The following ZNF875 variants were observed in gnomAD, a reference collection of about 807,000 sequenced individuals.
ZNF875 encodes HKR1, GLI-Kruppel zinc finger family member.
A neutral mutation model predicts 11.2 loss-of-function variants in ZNF875; 14 were observed. The ratio of observed to expected loss-of-function variants is 1.26; its 90% CI spans 0.83 to 1.96. The LOEUF is 1.96. ZNF875 is among the 30% of genes most tolerant of loss of function. ZNF875 has a pLI of 0.00. For missense variants in ZNF875, 752 were observed against 760.4 expected (o/e 0.99, Z 0.13); for synonymous variants, 301 against 281.1 (o/e 1.07, Z -0.71).
At chr19:37,328,008 AAGGC>A (rs2032791886) in intron 4 of ZNF875, among the ~76,000 whole-genome samples, 2 of 151,000 alleles carry the variant, frequency 1.3e-5, no homozygotes, top group African/African-American at 4.9e-5. Context: ...TTGGGAGGCC[AAGGC>A]GGGCGGATCA....
upstream of ZNF875, among the ~76,000 whole-genome samples, chr19:37,316,596 C>G (rs1045788726): frequency 6.6e-6 from 1 of 151,880 alleles, no homozygotes; most frequent in Non-Finnish European, 1.5e-5. Context: ...TCTCGAACTC[C>G]AGAGCTCAGG....
chr19:37,323,479 A>T (rs552449000), intron 2 of ZNF875: 1 of 152,250 alleles, frequency 6.6e-6, no homozygotes, highest in South Asian at 2.1e-4. Flanking sequence ...GGCTTTCCCC[A>T]AGAAGGAAGA....
intron 1 of ZNF875, among the ~76,000 whole-genome samples, chr19:37,320,012 C>G (rs2031059311): frequency 3.3e-5 from 5 of 152,156 alleles, no homozygotes; most frequent in Admixed American, 2.0e-4. Flanking sequence ...TCAGCCTCTC[C>G]CAGTAGCTGG....
upstream of ZNF875, chr19:37,334,628 TGTAGC>T (rs753394349): frequency 2.2e-6 from 1 of 454,904 alleles, no homozygotes; most frequent in South Asian, 1.6e-5. Context: ...CCCTTCAGTG[TGTAGC>T]GTTGACGTCA....
At chr19:37,357,893 T>C (rs1299727378) in intron 4 of ZNF875, 3 of 398,420 alleles carry the variant, frequency 7.5e-6, no homozygotes, top group Non-Finnish European at 1.3e-5. Context: ...TTGCTTTCTC[T>C]AGGACTTCCA....
chr19:37,325,421 A>G (rs995377294), intron 4 of ZNF875, among the ~76,000 whole-genome samples: 1 of 152,242 alleles, frequency 6.6e-6, no homozygotes, highest in African/African-American at 2.4e-5. Flanking sequence ...TAGATTTTCT[A>G]GTAGTCACTT....
At chr19:37,319,369 A>ATATATATATATATATATG (rs56256521) in intron 1 of ZNF875, among the ~76,000 whole-genome samples, 1 of 139,958 alleles carries the variant, frequency 7.1e-6, no homozygotes, top group South Asian at 2.3e-4. Flanking sequence ...ATATATATAT[A>ATATATATATATATATATG]ATAAAAATGG....
intron 4 of ZNF875, among the ~76,000 whole-genome samples, chr19:37,355,000 A>G (rs539232768): frequency 4.6e-5 from 7 of 152,320 alleles, no homozygotes; most frequent in African/African-American, 1.4e-4. Flanking sequence ...ATTAAGACAT[A>G]TGGCATATAT....
intron 4 of ZNF875, among the ~76,000 whole-genome samples, chr19:37,326,340 A>G (rs1451106687): frequency 6.6e-6 from 1 of 150,878 alleles, no homozygotes; most frequent in African/African-American, 2.4e-5. Context: ...ATTCCCATCT[A>G]CCCCACACCC....
intron 4 of ZNF875, among the ~76,000 whole-genome samples, chr19:37,328,423 C>T (rs1468041622): frequency 6.6e-6 from 1 of 152,038 alleles, no homozygotes; most frequent in Non-Finnish European, 1.5e-5. Context: ...GTGATTAGGT[C>T]ATGAAGGCTC....
At position 37,362,217 on chromosome 19, in the gene ZNF875, G is replaced by A; in HGVS notation, c.365G>A (p.Ser122Asn). Reference protein sequence around the residue: ...WLSHLSQLFSSLWAGNPLHLG... With the variant: ...WLSHLSQLFSNLWAGNPLHLG... ...AGTCATCTCTCTCAGCTGTTTTCAA[G>A]TTTATGGGCAGGAAATCCTCTCCAC... Residue 122 changes from serine (S) to asparagine (N), a missense_variant, in exon 5 of 5, where the codon AGT becomes AAT. Transcript: ENST00000392153. The A allele has an allele frequency of 1.2e-6, 2 of 1,614,134 alleles. No individual in the cohort carries two copies. Among genetic ancestry groups the A allele is most frequent in the Non-Finnish European group, 1.7e-6 (2 of 1,180,010 alleles).
upstream of ZNF875, among the ~76,000 whole-genome samples, chr19:37,333,723 A>G (rs1165215993): frequency 6.6e-6 from 1 of 152,122 alleles, no homozygotes; most frequent in East Asian, 1.9e-4. Context: ...TTGATGCCCT[A>G]GAAGCCAGGC....
At chr19:37,360,519 T>C (rs754314952) in intron 4 of ZNF875, among the ~76,000 whole-genome samples, 6 of 152,370 alleles carry the variant, frequency 3.9e-5, no homozygotes, top group Non-Finnish European at 4.4e-5. Flanking sequence ...TGCAGATAAA[T>C]TTTGGTGAGA....
chr19:37,350,799 CTTTTTT>C (rs61142979), intron 4 of ZNF875, among the ~76,000 whole-genome samples: 2 of 91,266 alleles, frequency 2.2e-5, no homozygotes, highest in Non-Finnish European at 4.2e-5. Context: ...ATTCTTTTTG[CTTTTTT>C]TTTTTTTTTT....
At chr19:37,343,273 G>GCAGAGGTTGCAGTGAGCCGAGACCA (rs1248738176) in intron 2 of ZNF875, among the ~76,000 whole-genome samples, 1 of 151,688 alleles carries the variant, frequency 6.6e-6, no homozygotes, top group African/African-American at 2.4e-5. Context: ...AACCCAGGAG[G>GCAGAGGTTGCAGTGAGCCGAGACCA]CAGAGGTTGC....
At chr19:37,342,792 A>C (rs1375252284) in intron 2 of ZNF875, among the ~76,000 whole-genome samples, 1 of 152,118 alleles carries the variant, frequency 6.6e-6, no homozygotes, top group Non-Finnish European at 1.5e-5. Context: ...CTGTTTTCCA[A>C]GTTCATGCAG....
upstream of ZNF875, among the ~76,000 whole-genome samples, chr19:37,331,658 T>G (rs961266741): frequency 2.7e-5 from 4 of 147,620 alleles, no homozygotes; most frequent in Non-Finnish European, 4.5e-5. Flanking sequence ...CTCCCTAATC[T>G]CAAGTACCCA....
Position 37,363,354 on chromosome 19 carries a change from C to T in ZNF875, c.1502C>T (p.Ser501Leu). 6.2e-7 allele frequency: 1 copy of T among 1,611,080 alleles called. No homozygotes were observed. The highest frequency in any genetic ancestry group is 1.3e-5 in the African/African-American group (1 of 74,880). The change falls in exon 5 of 5, where the codon TCA (serine) becomes TTA (leucine). Residue 501 changes from serine (S) to leucine (L), a missense_variant. Coordinates refer to ENST00000392153, the MANE Select transcript of ZNF875 (RefSeq NM_001353803.2). ...CTGAGCACGCACCAGAGGACACACTCAGGGGAGAAGCCATTTGTATGTGCT... is the reference window on the plus strand; with the variant it reads ...CTGAGCACGCACCAGAGGACACACTTAGGGGAGAAGCCATTTGTATGTGCT... ...STLSTHQRTH[S>L]GEKPFVCAEC...
At chr19:37,330,407 C>CCTTTTA (rs2033196253), upstream of ZNF875, among the ~76,000 whole-genome samples, 1 of 152,186 alleles carries the variant, frequency 6.6e-6, no homozygotes, top group Non-Finnish European at 1.5e-5. Flanking sequence ...TTGCCTGTCA[C>CCTTTTA]CTTTTACACC....
Sources: allele counts gnomAD v4.1 joint callset (sites outside exome capture counted in the v4.1 genomes callset), GRCh38; gene constraint gnomAD v4.1.1; transcripts MANE v1.5; gene names NCBI Gene and HGNC (gene_info 2026-07-23, HGNC 2026-07-21).